SHANK2: variants seen among roughly 807,000 people sequenced by gnomAD.
The protein encoded by SHANK2 is SH3 and multiple ankyrin repeat domains protein 2.
A neutral mutation model predicts 133.7 loss-of-function variants in SHANK2; 43 were observed. The ratio of observed to expected loss-of-function variants is 0.32; its 90% CI spans 0.25 to 0.41. SHANK2 has a LOEUF of 0.41. SHANK2 is among the 10% of genes least tolerant of loss of function. The pLI is 1.00. For synonymous variants in SHANK2, 1,017 were observed against 952.8 expected, an observed-to-expected ratio of 1.07 and a Z score of -1.24; for missense variants, 1,994 against 2,235.8, an observed-to-expected ratio of 0.89 and a Z score of 2.18.
At chr11:70,915,182 T>C (rs1207179348) in intron 10 of SHANK2, among the ~76,000 whole-genome samples, 1 of 152,020 alleles carries the variant, frequency 6.6e-6, no homozygotes, top group Non-Finnish European at 1.5e-5. Flanking sequence ...CCCTCAAAAA[T>C]ACGGATGCCT....
At chr11:70,826,845 G>A (rs148423093) in intron 11 of SHANK2, 1 of 219,568 alleles carries the variant, frequency 4.6e-6, no homozygotes, top group African/African-American at 2.3e-5. Context: ...GGGTTAACGC[G>A]GATCAGGCGT....
chr11:70,523,118 G>A (rs1393577062), intron 17 of SHANK2, among the ~76,000 whole-genome samples: 4 of 152,164 alleles, frequency 2.6e-5, no homozygotes, highest in South Asian at 2.1e-4. Context: ...GCTCCTCCCC[G>A]AGCATCAAAG....
intron 15 of SHANK2, among the ~76,000 whole-genome samples, chr11:70,691,968 C>T (rs1435018244): frequency 6.6e-6 from 1 of 152,042 alleles, no homozygotes; most frequent in African/African-American, 2.4e-5. Flanking sequence ...TAATCTCTTG[C>T]CCTGCCCCAA....
intron 14 of SHANK2, among the ~76,000 whole-genome samples, chr11:70,797,765 T>C (rs1297255334): frequency 6.6e-6 from 1 of 151,968 alleles, no homozygotes; most frequent in Non-Finnish European, 1.5e-5. Flanking sequence ...AAAAGCCAGA[T>C]GCCGTTCACA....
chr11:71,199,833 G>C (rs1555116790), intron 2 of SHANK2, among the ~76,000 whole-genome samples: 1 of 152,176 alleles, frequency 6.6e-6, no homozygotes, highest in Non-Finnish European at 1.5e-5. Flanking sequence ...GCTGGGGACA[G>C]AGTCGGGGGT....
intron 15 of SHANK2, among the ~76,000 whole-genome samples, chr11:70,680,529 C>T (rs1945005407): frequency 6.6e-6 from 1 of 152,216 alleles, no homozygotes; most frequent in Non-Finnish European, 1.5e-5. Context: ...CCCCTGCCCT[C>T]TGATGAGGAT....
At chr11:70,574,767 G>A (rs1196137198) in intron 17 of SHANK2, among the ~76,000 whole-genome samples, 1 of 152,174 alleles carries the variant, frequency 6.6e-6, no homozygotes, top group Admixed American at 6.5e-5. Context: ...TGAACTGGGG[G>A]ATTAGGTCAC....
At chr11:70,548,114 C>T (rs1478538390) in intron 17 of SHANK2, among the ~76,000 whole-genome samples, 4 of 152,230 alleles carry the variant, frequency 2.6e-5, no homozygotes, top group Non-Finnish European at 4.4e-5. Flanking sequence ...CCTCTCACTC[C>T]GCCTTCCTTC....
At chr11:71,063,302 C>T (rs1376313775) in intron 9 of SHANK2, among the ~76,000 whole-genome samples, 1 of 152,162 alleles carries the variant, frequency 6.6e-6, no homozygotes, top group African/African-American at 2.4e-5. Flanking sequence ...CCCATTACCA[C>T]GTGTTTCCCA....
chr11:71,065,715 G>A (rs1337894413), intron 9 of SHANK2, among the ~76,000 whole-genome samples: 3 of 144,916 alleles, frequency 2.1e-5, no homozygotes, highest in African/African-American at 7.7e-5. Flanking sequence ...CAGTGAGTGG[G>A]GAAGTTGGGG....
intron 11 of SHANK2, among the ~76,000 whole-genome samples, chr11:70,876,373 A>C (rs4025745): frequency 0.9 from 135,976 of 150,772 alleles, 62,155 homozygotes; most frequent in Non-Finnish European, 0.98. Flanking sequence ...ATCCTGGCTA[A>C]CACGGTGAAA....
At chr11:71,137,365 G>A (rs1222531086) in intron 3 of SHANK2, among the ~76,000 whole-genome samples, 3 of 151,434 alleles carry the variant, frequency 2.0e-5, no homozygotes, top group African/African-American at 7.3e-5. Flanking sequence ...GCCAGACCTG[G>A]AGGTTCCTAG....
intron 17 of SHANK2, among the ~76,000 whole-genome samples, chr11:70,653,319 T>A (rs1321912569): frequency 2.6e-5 from 4 of 152,308 alleles, no homozygotes; most frequent in Non-Finnish European, 5.9e-5. Context: ...TCTGAAGCTG[T>A]GGGGATTGAC....
chr11:70,861,846 G>A (rs568175869), intron 11 of SHANK2, among the ~76,000 whole-genome samples: 6 of 152,290 alleles, frequency 3.9e-5, no homozygotes, highest in African/African-American at 1.4e-4. Flanking sequence ...AGGAATAAAT[G>A]AGTGATCCAA....
chr11:70,695,626 CACAGATCAGGCCGCAT>C (rs1242248150), intron 15 of SHANK2, among the ~76,000 whole-genome samples: 1 of 152,190 alleles, frequency 6.6e-6, no homozygotes, highest in African/African-American at 2.4e-5. Context: ...CTCTACTGCC[CACAGATCAGGCCGCAT>C]ACTCAGGCTC....
rs182785487 is a variant in SHANK2, at chr11:71,121,027, C to T, written c.208-1995G>A. Among the ~76,000 whole-genome samples, 442 of 152,328 alleles carry T rather than the reference C, an allele frequency of 2.9e-3. 3 individuals are homozygous for T. The highest frequency in any genetic ancestry group is 9.7e-3 in the African/African-American group (405 of 41,580). ...GTGGGGATGCTGTGTCTGTGCAGCA[C>T]GGGGGCCAACCCCACAAAGCAAGAA... On this transcript the variant is annotated intron_variant, in intron 3 of 25. Coordinates refer to ENST00000601538, the MANE Select transcript of SHANK2 (RefSeq NM_012309.5).
intron 25 of SHANK2, among the ~76,000 whole-genome samples, chr11:70,478,199 G>C (rs1472662003): frequency 6.6e-6 from 1 of 151,736 alleles, no homozygotes; most frequent in Non-Finnish European, 1.5e-5. Flanking sequence ...TTGGAGACGG[G>C]GTCATGCAGC....
intron 17 of SHANK2, among the ~76,000 whole-genome samples, chr11:70,531,877 T>A (rs1272671729): frequency 6.6e-6 from 1 of 152,186 alleles, no homozygotes; most frequent in African/African-American, 2.4e-5. Flanking sequence ...CTCGCAGCTC[T>A]GGGTGCTGGG....
chr11:70,681,539 G>A lies in SHANK2; in HGVS notation c.1853+17149C>T, dbSNP rs556139230. Among the ~76,000 whole-genome samples, 5 of 152,286 alleles carry A rather than the reference G, an allele frequency of 3.3e-5. No homozygotes were observed. In the South Asian group the frequency reaches 1.0e-3, roughly 32 times the overall value. ...CCATGCCCAGAAATGGGACCCACCA[G>A]CGGCACTGCCTCAGCCACCCTGGAC... On this transcript the variant is annotated intron_variant, in intron 15 of 25. Transcript: ENST00000601538.
Sources: gnomAD v4.1 joint callset for allele counts (sites outside exome capture counted in the v4.1 genomes callset) on GRCh38, gnomAD v4.1.1 for gene constraint, MANE v1.5 for transcripts, NCBI Gene and HGNC (gene_info 2026-07-23, HGNC 2026-07-21) for gene names.